TMEM65: variants seen among roughly 807,000 people sequenced by gnomAD.
TMEM65 encodes transmembrane protein 65.
TMEM65 carries 22 observed loss-of-function variants against 25.4 expected under a neutral mutation model. The ratio of observed to expected loss-of-function variants is 0.86; its 90% confidence interval spans 0.62 to 1.23. The LOEUF (loss-of-function observed/expected upper bound fraction) is 1.23. Ranked by LOEUF, TMEM65 falls within the 50% of genes most tolerant of loss-of-function variation. The pLI is 0.00. For synonymous variants in TMEM65, 132 were observed against 126.2 expected, an observed-to-expected ratio of 1.05 and a Z score of -0.31; for missense variants, 262 against 308.2, an observed-to-expected ratio of 0.85 and a Z score of 1.12.
At chr8:124,325,733 T>A (rs967482423) in intron 3 of TMEM65, among the ~76,000 whole-genome samples, 4 of 151,948 alleles carry the variant, frequency 2.6e-5, no homozygotes, top group Non-Finnish European at 2.9e-5. Flanking sequence ...CACCAAATAG[T>A]GAACTACAAA....
chr8:124,314,385 C>T (rs60432228), intron 6 of TMEM65, among the ~76,000 whole-genome samples: 2,394 of 152,208 alleles, frequency 0.016, 68 homozygotes, highest in African/African-American at 0.054. Flanking sequence ...CTCTCTTTAC[C>T]GCCATAGCCA....
intron 1 of TMEM65, among the ~76,000 whole-genome samples, chr8:124,343,792 G>A (rs1319204078): frequency 6.6e-6 from 1 of 152,060 alleles, no homozygotes; most frequent in African/African-American, 2.4e-5. Flanking sequence ...GTTTATATAT[G>A]GCAAGATAAT....
intron 1 of TMEM65, among the ~76,000 whole-genome samples, chr8:124,356,069 T>C (rs960086820): frequency 1.3e-5 from 2 of 152,202 alleles, no homozygotes; most frequent in Admixed American, 6.5e-5. Flanking sequence ...CATGAAACTC[T>C]ACCTGGATCC....
Position 124,372,137 on chromosome 8 carries a change from C to G in TMEM65, c.21G>C (p.Leu7=), listed in dbSNP as rs1477183725. 2.4e-6 allele frequency: 3 copies of G among 1,254,004 alleles called. No individual in the cohort carries two copies. Among genetic ancestry groups the G allele is most frequent in the African/African-American group, 3.3e-5 (2 of 61,148 alleles). The allele number at this position is 1,254,004 out of a possible 1,614,324, so 77.7% of individuals were successfully genotyped here. A position where few individuals can be genotyped will look rare whatever the true frequency, so the allele number is the denominator to read the frequency against. ...GGCTGCGCGCGGTCCGGCTCCTCAG[C>G]AGCGGCAGCAGCCGGGACATGGCGA... MSRLLP[L]LRSRTARSLR... Residue 7 remains leucine, a synonymous_variant, in exon 1 of 7, where the codon CTG becomes CTC. Transcript: ENST00000297632.
intron 1 of TMEM65, among the ~76,000 whole-genome samples, chr8:124,360,229 G>T (rs1814841690): frequency 6.6e-6 from 1 of 152,034 alleles, no homozygotes; most frequent in African/African-American, 2.4e-5. Flanking sequence ...AGGAGATCAA[G>T]ACCATCCTGG....
Position 124,313,786 on chromosome 8 carries a change from A to T in TMEM65, c.*174T>A, listed in dbSNP as rs1814196632. On this transcript the variant is annotated 3_prime_UTR_variant, in exon 7 of 7. Coordinates refer to ENST00000297632, the MANE Select transcript of TMEM65 (RefSeq NM_194291.3). ...CAAAATGATACTAAACAGCTTTTTAAAAAAGATGTCCTAAGAAGATCAAGC... is the reference window on the plus strand; with the variant it reads ...CAAAATGATACTAAACAGCTTTTTATAAAAGATGTCCTAAGAAGATCAAGC... 7.9e-5 allele frequency: 44 copies of T among 555,072 alleles called. No homozygotes were observed. The South Asian group carries it at 1.1e-3, about 14-fold the overall frequency. 34.4% of individuals were successfully genotyped at this position (555,072 alleles called of 1,614,324 possible).
In TMEM65 at chr8:124,311,297, T is replaced by C. The variant is rs1483216409; in HGVS notation, c.*2663A>G. The C allele has an allele frequency of 2.0e-5, 3 of 152,612 alleles. No homozygotes were observed. The highest frequency in any genetic ancestry group is 4.4e-5 in the Non-Finnish European group (3 of 68,032). 9.5% of individuals were successfully genotyped at this position (152,612 alleles called of 1,614,324 possible). A position where few individuals can be genotyped will look rare whatever the true frequency, so the allele number is the denominator to read the frequency against. ...GCTGCCACCTTGTAACAAATCCGTATTCATTAATCCTGTTTGCTTTAGTAA... is the reference window on the plus strand; with the variant it reads ...GCTGCCACCTTGTAACAAATCCGTACTCATTAATCCTGTTTGCTTTAGTAA... On this transcript the variant is annotated 3_prime_UTR_variant, in exon 7 of 7. Transcript: ENST00000297632.
At chr8:124,351,680 A>T (rs544541635) in intron 1 of TMEM65, among the ~76,000 whole-genome samples, 1 of 152,252 alleles carries the variant, frequency 6.6e-6, no homozygotes, top group Non-Finnish European at 1.5e-5. Flanking sequence ...CTTTAATGTG[A>T]ACTTTTTGCC....
chr8:124,353,434 A>G (rs971251267), intron 1 of TMEM65, among the ~76,000 whole-genome samples: 5 of 152,082 alleles, frequency 3.3e-5, no homozygotes, highest in African/African-American at 1.2e-4. Context: ...ATGAATCTTT[A>G]TAATACATAA....
chr8:124,350,477 TCACACACACA>T (rs59193124), intron 1 of TMEM65, among the ~76,000 whole-genome samples: 6 of 146,776 alleles, frequency 4.1e-5, no homozygotes, highest in East Asian at 2.0e-4. Flanking sequence ...TCTCTCTCTC[TCACACACACA>T]CACACACACA....
intron 1 of TMEM65, chr8:124,351,114 G>T: frequency 1.0e-6 from 1 of 984,728 alleles, no homozygotes; most frequent in Non-Finnish European, 1.2e-6. Flanking sequence ...TGGGATATCT[G>T]CATGCTAAAA....
At chr8:124,343,223 T>C (rs1814601604) in intron 1 of TMEM65, among the ~76,000 whole-genome samples, 1 of 152,156 alleles carries the variant, frequency 6.6e-6, no homozygotes, top group Admixed American at 6.6e-5. Flanking sequence ...TACCAATTGA[T>C]GGCAATCAGA....
chr8:124,346,007 A>G (rs1814636543), intron 1 of TMEM65, among the ~76,000 whole-genome samples: 1 of 152,150 alleles, frequency 6.6e-6, no homozygotes, highest in African/African-American at 2.4e-5. Context: ...GGCCTCCCAT[A>G]GTGCTGGGAT....
At chr8:124,343,635 G>C (rs919818808) in intron 1 of TMEM65, among the ~76,000 whole-genome samples, 5 of 152,024 alleles carry the variant, frequency 3.3e-5, no homozygotes, top group African/African-American at 9.7e-5. Flanking sequence ...GAGACCTCAA[G>C]GTAAGGCTGA....
chr8:124,317,501 G>A (rs1281239222), intron 6 of TMEM65, among the ~76,000 whole-genome samples: 1 of 151,986 alleles, frequency 6.6e-6, no homozygotes, highest in Non-Finnish European at 1.5e-5. Flanking sequence ...CTTTAATTCT[G>A]CACATTTTCT....
chr8:124,326,020 TAAG>T (rs1302459808), intron 3 of TMEM65, among the ~76,000 whole-genome samples: 1 of 152,016 alleles, frequency 6.6e-6, no homozygotes, highest in Non-Finnish European at 1.5e-5. Flanking sequence ...TCAACAATCC[TAAG>T]GTCATTCCAC....
At chr8:124,365,016 T>G (rs1380789990) in intron 1 of TMEM65, among the ~76,000 whole-genome samples, 2 of 152,216 alleles carry the variant, frequency 1.3e-5, no homozygotes, top group Non-Finnish European at 2.9e-5. Context: ...CCACTAATAA[T>G]GGCAAAATAT....
chr8:124,362,185 C>A (rs576282470), intron 1 of TMEM65, among the ~76,000 whole-genome samples: 2 of 151,952 alleles, frequency 1.3e-5, no homozygotes, highest in African/African-American at 4.8e-5. Flanking sequence ...AGCCACTGTG[C>A]CAGGCCAAGA....
intron 5 of TMEM65, among the ~76,000 whole-genome samples, 166 bp downstream of exon 5, chr8:124,321,939 C>T (rs1563589747): frequency 6.6e-6 from 1 of 151,730 alleles, no homozygotes; most frequent in Non-Finnish European, 1.5e-5. Context: ...TTGATGGATA[C>T]CAAAGATTTA....
Sources: gnomAD v4.1 joint callset for allele counts (sites outside exome capture counted in the v4.1 genomes callset) on GRCh38, gnomAD v4.1.1 for gene constraint, MANE v1.5 for transcripts, NCBI Gene and HGNC (gene_info 2026-07-23, HGNC 2026-07-21) for gene names.